RRM1: variants seen among roughly 807,000 people sequenced by gnomAD.
RRM1 encodes the protein ribonucleotide reductase catalytic subunit M1.
A neutral mutation model predicts 101.5 loss-of-function variants in RRM1; 19 were observed. That is an observed-to-expected ratio of 0.19 (90% confidence interval 0.13 to 0.27). The LOEUF (loss-of-function observed/expected upper bound fraction) is 0.27. RRM1 is among the 10% of genes least tolerant of loss of function. RRM1 has a pLI of 1.00. For missense variants in RRM1, 500 were observed against 962.9 expected (o/e 0.52, Z 6.36); for synonymous variants, 298 against 323.4 (o/e 0.92, Z 0.84).
At chr11:4,110,756 G>A (rs1378890390) in intron 5 of RRM1, among the ~76,000 whole-genome samples, 1 of 141,106 alleles carries the variant, frequency 7.1e-6, no homozygotes, top group Non-Finnish European at 1.5e-5. Flanking sequence ...GTGACAGAGT[G>A]AGACTCTGTC....
intron 8 of RRM1, 46 bp downstream of exon 8, chr11:4,118,507 A>G (rs2094577167): frequency 6.2e-7 from 1 of 1,609,384 alleles, no homozygotes; most frequent in African/African-American, 1.3e-5. Context: ...CAAGTCTAAA[A>G]GCAAACAGAT....
In RRM1 at chr11:4,099,295, A is replaced by ATTTTTTTTTTTTTTTTTTTTTTT. The variant is rs34579912; in HGVS notation, c.20-2679_20-2678insTTTTTTTTTTTTTTTTTTTTTTT. 1.4e-3 allele frequency: 108 copies of ATTTTTTTTTTTTTTTTTTTTTTT among 76,964 alleles called. 1 individual carries two copies. The highest frequency in any genetic ancestry group is 1.5e-3 in the Non-Finnish European group (67 of 45,096). 4.8% of individuals were successfully genotyped at this position (76,964 alleles called of 1,614,324 possible). A position where few individuals can be genotyped will look rare whatever the true frequency, so the allele number is the denominator to read the frequency against. On this transcript the variant is annotated intron_variant, in intron 1 of 18. Coordinates refer to ENST00000300738, the MANE Select transcript of RRM1 (RefSeq NM_001033.5). The stretch of plus-strand genomic sequence containing the variant: ...GCTGGGATTACAGCATACCCAGCTA[A>ATTTTTTTTTTTTTTTTTTTTTTT]TTTTTTTTTTTTTTTTTTTGTATTT...
At chr11:4,133,447 A>G in intron 16 of RRM1, 116 bp from the exon 17 acceptor site, 1 of 581,094 alleles carries the variant, frequency 1.7e-6, no homozygotes. Flanking sequence ...GAATTTACCA[A>G]GCAATCTAGC....
chr11:4,104,045 A>C (rs1225764223), intron 2 of RRM1, among the ~76,000 whole-genome samples: 1 of 151,228 alleles, frequency 6.6e-6, no homozygotes, highest in Non-Finnish European at 1.5e-5. Flanking sequence ...CTGGAGGTTG[A>C]GGTTGCTGTG....
chr11:4,104,965 T>A (rs1384261111), intron 2 of RRM1, among the ~76,000 whole-genome samples: 1 of 152,110 alleles, frequency 6.6e-6, no homozygotes, highest in Non-Finnish European at 1.5e-5. Flanking sequence ...AGAATCTGAA[T>A]GAAAAATGGG....
At chr11:4,119,086 A>G (rs2094577977) in intron 8 of RRM1, 1 of 152,326 alleles carries the variant, frequency 6.6e-6, no homozygotes, top group Admixed American at 6.5e-5. Context: ...CTACTTAACT[A>G]GTAATGTGGC....
Position 4,132,385 on chromosome 11 carries a change from C to T in RRM1, c.1869C>T (p.Asn623=). 6.2e-7 allele frequency: 1 copy of T among 1,614,104 alleles called. No homozygotes were observed. Among genetic ancestry groups the T allele is most frequent in the Non-Finnish European group, 8.5e-7 (1 of 1,179,992 alleles). The part of the protein sequence containing the change: ...NNESIEPYTS[N]IYTRRVLSGE... ...AGTCCATTGAACCTTACACCAGCAA[C>T]ATCTATACTCGCAGAGTCTTGTCAG... Residue 623 remains asparagine, a synonymous_variant, in exon 16 of 19, where the codon AAC becomes AAT. Coordinates refer to ENST00000300738, the MANE Select transcript of RRM1 (RefSeq NM_001033.5). This position sits in a 1 kb window ranked among gnomAD's most constrained non-coding sequence, Gnocchi z 4.1.
chr11:4,099,874 T>C (rs2094548742), intron 1 of RRM1, among the ~76,000 whole-genome samples: 2 of 152,228 alleles, frequency 1.3e-5, no homozygotes, highest in African/African-American at 4.8e-5. Flanking sequence ...ACTTTTTTTT[T>C]TTTGTCAGTT....
chr11:4,120,922 G>C (rs566150880), intron 9 of RRM1, among the ~76,000 whole-genome samples: 108 of 152,342 alleles, frequency 7.1e-4, no homozygotes, highest in African/African-American at 2.5e-3. Context: ...TGGAGGCTGA[G>C]GTGGGAGGAT....
chr11:4,136,397 T>C (rs1649787402), intron 18 of RRM1, among the ~76,000 whole-genome samples: 1 of 151,930 alleles, frequency 6.6e-6, no homozygotes, highest in Non-Finnish European at 1.5e-5. Context: ...TTTTTGTATT[T>C]TTATTAGAGA....
intron 1 of RRM1, 74 bp downstream of exon 1, chr11:4,095,105 A>T (rs12801088): frequency 3.9e-5 from 59 of 1,495,208 alleles, no homozygotes; most frequent in Non-Finnish European, 5.5e-6. Flanking sequence ...TGATGCCCAG[A>T]CCGCCCGCCC....
upstream of RRM1, chr11:4,094,774 T>A: frequency 1.7e-6 from 1 of 582,908 alleles, no homozygotes; most frequent in South Asian, 2.1e-5. Flanking sequence ...CAGCGTCGAG[T>A]AACGTCATTC....
At chr11:4,131,450 A>G (rs969724541) in intron 15 of RRM1, among the ~76,000 whole-genome samples, 16 of 152,226 alleles carry the variant, frequency 1.1e-4, no homozygotes, top group African/African-American at 3.6e-4. Context: ...ATAGGTATAG[A>G]ATGTAGGAAA....
At chr11:4,105,535 G>C (rs538635058) in intron 2 of RRM1, 1 of 375,234 alleles carries the variant, frequency 2.7e-6, no homozygotes, top group Non-Finnish European at 5.1e-6. Context: ...CCAACCTGTC[G>C]TTTTTATTGT....
At position 4,119,846 on chromosome 11, in the gene RRM1, C is replaced by G; in HGVS notation, c.794C>G (p.Thr265Ser). ...IRATGSYIAG[T>S]NGNSNGLVPM... ...TTTCTATCATGGTCTCTCTTTTAGA[C>G]TAATGGCAATTCCAATGGCCTTGTA... The change falls in exon 9 of 19, where the codon ACT (threonine) becomes AGT (serine). Residue 265 changes from threonine to serine, a missense_variant and splice_region_variant. Physicochemically the swap from Thr to Ser is moderately conservative, Grantham distance 58. Coordinates refer to ENST00000300738, the MANE Select transcript of RRM1 (RefSeq NM_001033.5). 6.3e-7 allele frequency: 1 copy of G among 1,588,688 alleles called. No individual in the cohort carries two copies. Among genetic ancestry groups the G allele is most frequent in the Non-Finnish European group, 8.6e-7 (1 of 1,158,542 alleles).
intron 4 of RRM1, 136 bp downstream of exon 4, chr11:4,107,671 C>T (rs2094560097): frequency 1.6e-6 from 1 of 608,348 alleles, no homozygotes; most frequent in African/African-American, 1.9e-5. Context: ...TGATTTTCCT[C>T]TCTAGAAACA....
chr11:4,127,249 G>A lies in RRM1; in HGVS notation c.1685G>A (p.Ser562Asn). Residue 562 changes from serine (S) to asparagine (N), a missense_variant, in exon 14 of 19, where the codon AGC (serine) becomes AAC (asparagine). Around this residue, in one of 9 missense-constraint regions of RRM1, gnomAD observed 106 missense variants for 138.1 expected, o/e 0.77. Transcript: ENST00000300738. ...PYETYEGSPV[S>N]KGILQYDMWN... ...GAAACCTATGAGGGCTCTCCAGTTA[G>A]CAAAGGAGTAAGTATATGGATGGAA... The A allele has an allele frequency of 6.3e-7, 1 of 1,584,188 alleles. No individual in the cohort carries two copies. Among genetic ancestry groups the A allele is most frequent in the African/African-American group, 1.4e-5 (1 of 73,758 alleles).
At position 4,130,086 on chromosome 11, in the gene RRM1, A is replaced by ATTTT. The variant is rs796657105; in HGVS notation, c.1769+951_1769+954dup. Among the ~76,000 whole-genome samples, 79 of 99,448 alleles carry ATTTT rather than the reference A, an allele frequency of 7.9e-4. 1 individual carries two copies. The highest frequency in any genetic ancestry group is 4.0e-3 in the African/African-American group (75 of 18,646). The allele number at this position is 99,448 out of a possible 152,430, so 65.2% of individuals were successfully genotyped here. On this transcript the variant is annotated intron_variant, in intron 15 of 18. Transcript: ENST00000300738. ...TGTATTTATATATATATATATATATATTTTTTTTTTTTTTTTTTCCCCTCA... is the reference window on the plus strand; with the variant it reads ...TGTATTTATATATATATATATATATATTTTTTTTTTTTTTTTTTTTTTCCCCTCA...
rs1262415615 is a variant in RRM1, at chr11:4,135,214, A to G, written c.2134A>G (p.Ile712Val). ...IDQSQSLNIH[I>V]AEPNYGKLTS... Reference sequence around the variant, plus strand: ...TCAAAGCCAATCTTTGAACATCCACATTGCTGAGCCTAACTATGGCAAACT... The same window carrying G: ...TCAAAGCCAATCTTTGAACATCCACGTTGCTGAGCCTAACTATGGCAAACT... Residue 712 changes from isoleucine (I) to valine (V), a missense_variant, in exon 18 of 19, where the codon ATT becomes GTT. By Grantham distance (29) the Ile-to-Val change is conservative. Coordinates refer to ENST00000300738, the MANE Select transcript of RRM1 (RefSeq NM_001033.5). The G allele has an allele frequency of 1.2e-6, 2 of 1,613,568 alleles. No homozygotes were observed. The highest frequency in any genetic ancestry group is 1.7e-6 in the Non-Finnish European group (2 of 1,179,786).
Sources: gnomAD v4.1 joint callset for allele counts (sites outside exome capture counted in the v4.1 genomes callset) on GRCh38, gnomAD v4.1.1 for gene constraint, gnomAD v4.1.1 regional missense constraint, Gnocchi (gnomAD v3.1) non-coding constraint, MANE v1.5 for transcripts, NCBI Gene and HGNC (gene_info 2026-07-23, HGNC 2026-07-21) for gene names.